The following SEC24D variants were observed in gnomAD, a reference collection of about 807,000 sequenced individuals.
The protein encoded by SEC24D is protein transport protein Sec24D.
SEC24D carries 69 observed loss-of-function variants against 116.9 expected under a neutral mutation model. The ratio of observed to expected loss-of-function variants is 0.59; its 90% CI spans 0.49 to 0.72. The LOEUF (loss-of-function observed/expected upper bound fraction) is 0.72. Among genes scored for constraint, SEC24D ranks in the 30% least tolerant of loss-of-function variants. The pLI, the probability that SEC24D is intolerant of heterozygous loss-of-function variation, is 0.00. For missense variants in SEC24D, 1,131 were observed against 1,264.1 expected (o/e 0.89, Z 1.60); for synonymous variants, 405 against 442.8 (o/e 0.91, Z 1.07).
chr4:118,792,576 A>T (rs1361898170), intron 8 of SEC24D, among the ~76,000 whole-genome samples: 2 of 152,194 alleles, frequency 1.3e-5, no homozygotes, highest in African/African-American at 4.8e-5. Context: ...GGATGCTGTT[A>T]ATCTATAACC....
intron 19 of SEC24D, 172 bp downstream of exon 19, chr4:118,738,089 T>TAAAA: frequency 2.2e-6 from 1 of 448,682 alleles, no homozygotes; most frequent in Non-Finnish European, 4.0e-6. Context: ...ATGTTGGCTA[T>TAAAA]AAAAAAAAAA....
intron 8 of SEC24D, among the ~76,000 whole-genome samples, chr4:118,783,330 C>A (rs1397135489): frequency 6.6e-6 from 1 of 152,210 alleles, no homozygotes. Flanking sequence ...TACTCCACCT[C>A]CTCCCAGGCA....
chr4:118,830,228 C>T (rs946884987), intron 2 of SEC24D, among the ~76,000 whole-genome samples: 1 of 152,198 alleles, frequency 6.6e-6, no homozygotes, highest in African/African-American at 2.4e-5. Flanking sequence ...GCAGTTTAAA[C>T]TAAAGCATGA....
intron 6 of SEC24D, among the ~76,000 whole-genome samples, chr4:118,807,143 C>T (rs115877991): frequency 0.044 from 6,652 of 152,234 alleles, 202 homozygotes; most frequent in Non-Finnish European, 0.064. Context: ...TCAAGTTTCC[C>T]CAACTGCATC....
intron 8 of SEC24D, among the ~76,000 whole-genome samples, chr4:118,776,686 T>C (rs1247730994): frequency 6.6e-6 from 1 of 152,220 alleles, no homozygotes; most frequent in Non-Finnish European, 1.5e-5. Context: ...CAGAATCTTA[T>C]GCTTGAGCAA....
At chr4:118,818,090 C>T (rs1208108804) in intron 3 of SEC24D, among the ~76,000 whole-genome samples, 1 of 152,038 alleles carries the variant, frequency 6.6e-6, no homozygotes, top group Non-Finnish European at 1.5e-5. Flanking sequence ...TTTGATTTAG[C>T]TTGAACTTAT....
chr4:118,728,517 T>A, intron 22 of SEC24D, 44 bp downstream of exon 22: 1 of 1,262,354 alleles, frequency 7.9e-7, no homozygotes, highest in East Asian at 2.3e-5. Flanking sequence ...TTTAATGAAA[T>A]TTTTAACATT....
chr4:118,802,349 G>A (rs1471322423), intron 7 of SEC24D, among the ~76,000 whole-genome samples: 2 of 152,192 alleles, frequency 1.3e-5, no homozygotes, highest in Admixed American at 1.3e-4. Context: ...CCTTGGTCAA[G>A]CCACTTAACC....
intron 9 of SEC24D, 128 bp from the exon 10 acceptor site, chr4:118,765,045 G>A (rs1727575858): frequency 1.7e-6 from 1 of 602,706 alleles, no homozygotes; most frequent in African/African-American, 1.9e-5. Flanking sequence ...AAGCTGGAAT[G>A]TAGTATACCG....
chr4:118,737,989 AC>A (rs1726046029), intron 19 of SEC24D: 1 of 265,074 alleles, frequency 3.8e-6, no homozygotes, highest in African/African-American at 2.2e-5. Flanking sequence ...ATATTAGGAC[AC>A]TTCTTACATA....
At chr4:118,726,529 A>G (rs17683546) in intron 22 of SEC24D, among the ~76,000 whole-genome samples, 1 of 152,214 alleles carries the variant, frequency 6.6e-6, no homozygotes, top group Non-Finnish European at 1.5e-5. Flanking sequence ...CCGGTGTTCA[A>G]TAAATATTTG....
At chr4:118,789,847 G>T (rs575855233) in intron 8 of SEC24D, among the ~76,000 whole-genome samples, 13 of 152,218 alleles carry the variant, frequency 8.5e-5, no homozygotes, top group Non-Finnish European at 1.2e-4. Context: ...GCCTCCCAAA[G>T]TGCTGGGATT....
At chr4:118,759,764 G>A (rs1244612192) in intron 10 of SEC24D, among the ~76,000 whole-genome samples, 2 of 151,918 alleles carry the variant, frequency 1.3e-5, no homozygotes, top group Admixed American at 6.6e-5. Context: ...TCCCACCCAC[G>A]TCCATCACAG....
rs1729491194 is a variant in SEC24D at position 118,802,594 on chromosome 4, T to TAG, written c.913+3248_913+3249insCT. Among the ~76,000 whole-genome samples, 10 of 152,308 alleles carry TAG rather than the reference T, an allele frequency of 6.6e-5. No homozygotes were observed. The South Asian group carries it at 2.1e-3, about 32-fold the overall frequency. ...TTGGGGCTCCATACCAGGGCAGCTC[T>TAG]CTCTTCTTGCCAAGGGCTAGGCTGC... On this transcript the variant is annotated intron_variant, in intron 7 of 22. Transcript: ENST00000280551.
chr4:118,798,205 T>A (rs981586108), intron 7 of SEC24D, among the ~76,000 whole-genome samples: 30 of 152,208 alleles, frequency 2.0e-4, no homozygotes, highest in Admixed American at 1.5e-3. Context: ...TTCTTCTTCA[T>A]CCTCTTCTAT....
intron 6 of SEC24D, among the ~76,000 whole-genome samples, chr4:118,808,871 G>C (rs185602807): frequency 1.6e-4 from 24 of 152,298 alleles, no homozygotes; most frequent in African/African-American, 5.5e-4. Flanking sequence ...AATGAACAAG[G>C]ATAAGGGAAA....
At chr4:118,751,176 C>CTTGTTTTTTTTTT (rs1726808527) in intron 13 of SEC24D, among the ~76,000 whole-genome samples, 1 of 100,326 alleles carries the variant, frequency 1.0e-5, no homozygotes, top group Non-Finnish European at 2.0e-5. Flanking sequence ...AGAGTGAGGG[C>CTTGTTTTTTTTTT]TTTTTTTTTT....
chr4:118,812,880 G>A (rs1729978706), intron 6 of SEC24D, among the ~76,000 whole-genome samples: 2 of 152,084 alleles, frequency 1.3e-5, no homozygotes, highest in South Asian at 4.1e-4. Context: ...CACGCCCACT[G>A]GGACTTCAGC....
chr4:118,726,381 T>C (rs1367384783), intron 22 of SEC24D, among the ~76,000 whole-genome samples: 2 of 152,220 alleles, frequency 1.3e-5, no homozygotes, highest in African/African-American at 2.4e-5. Flanking sequence ...GTCAACCTTG[T>C]AAATGCATAA....
Sources: allele counts gnomAD v4.1 joint callset (sites outside exome capture counted in the v4.1 genomes callset), GRCh38; gene constraint gnomAD v4.1.1; transcripts MANE v1.5; gene names NCBI Gene and HGNC (gene_info 2026-07-23, HGNC 2026-07-21).